NBPF8: variants seen among roughly 807,000 people sequenced by gnomAD.
NBPF8 encodes NBPF family member NBPF8.
intron 3 of NBPF8, among the ~76,000 whole-genome samples, chr1:120,428,887 T>G (rs1193261291): frequency 6.6e-6 from 1 of 151,736 alleles, no homozygotes; most frequent in African/African-American, 2.4e-5. Flanking sequence ...TAACAATATC[T>G]TGACTCCTGG....
intron 15 of NBPF8, among the ~76,000 whole-genome samples, chr1:120,454,474 G>A (rs1180435105): frequency 1.3e-5 from 2 of 152,062 alleles, no homozygotes; most frequent in African/African-American, 4.8e-5. Flanking sequence ...TAAGGAAGCT[G>A]GCAGCCTTGC....
chr1:120,465,950 G>T (rs1661733313), intron 24 of NBPF8, 28 bp from the exon 23 acceptor site: 7 of 1,611,628 alleles, frequency 4.3e-6, no homozygotes. Context: ...TTCCCTGGCT[G>T]CTTCTTTAGT....
chr1:120,435,899 C>T (rs1424066683), upstream of NBPF8, among the ~76,000 whole-genome samples: 7 of 151,026 alleles, frequency 4.6e-5, no homozygotes, highest in South Asian at 6.2e-4. Flanking sequence ...AGAGAACATA[C>T]TAAATGATTC....
At chr1:120,419,621 G>T (rs1660520641), upstream of NBPF8, among the ~76,000 whole-genome samples, 1 of 151,526 alleles carries the variant, frequency 6.6e-6, no homozygotes, top group African/African-American at 2.4e-5. Flanking sequence ...ACCATGCTGG[G>T]CCAATTTTTC....
At chr1:120,459,760 GGACT>G (rs1403001467) in intron 17 of NBPF8, among the ~76,000 whole-genome samples, 1 of 152,176 alleles carries the variant, frequency 6.6e-6, no homozygotes, top group Non-Finnish European at 1.5e-5. Context: ...GTGCCAACCT[GGACT>G]GACTGTCACG....
At chr1:120,464,619 A>C (rs1661692110) in intron 23 of NBPF8, 71 bp downstream of exon 21, 5 of 778,534 alleles carry the variant, frequency 6.4e-6, no homozygotes, top group Middle Eastern at 3.6e-4. Context: ...TCCTGCTCCA[A>C]GTGGCCATTA....
At chr1:120,466,261 A>G in exon 25 of NBPF8, 2 of 1,603,164 alleles carry the variant, frequency 1.2e-6, no homozygotes, top group Non-Finnish European at 1.7e-6. Context: ...TCCTGCAGGC[A>G]GGACCTATAG....
downstream of NBPF8, among the ~76,000 whole-genome samples, chr1:120,467,949 A>AGTGT (rs1553250932): frequency 2.8e-5 from 4 of 144,924 alleles, no homozygotes; most frequent in African/African-American, 1.0e-4. Flanking sequence ...CGTGAGTGTG[A>AGTGT]GAGTGTGTGT....
chr1:120,428,675 G>A (rs1311049625), intron 3 of NBPF8, among the ~76,000 whole-genome samples: 3 of 152,164 alleles, frequency 2.0e-5, no homozygotes, highest in South Asian at 2.1e-4. Flanking sequence ...TGACTCTGGG[G>A]CCATGCGGTC....
Position 120,466,201 on chromosome 1 carries a change from G to A in NBPF8, n.3792G>A, listed in dbSNP as rs1553250823. ...AAGTCTCTATCTGGTCTTCCAGATG[G>A]GAGTCATATTCCCACAATAAGCAGC... On this transcript the variant is annotated non_coding_transcript_exon_variant, in exon 25 of 25. Coordinates refer to ENST00000583271, the Ensembl canonical transcript of NBPF8. 8.7e-6 allele frequency: 14 copies of A among 1,609,082 alleles called. No individual in the cohort carries two copies. In the African/African-American group the frequency reaches 1.1e-4, roughly 12 times the overall value.
chr1:120,469,094 G>T (rs1167050707), downstream of NBPF8, among the ~76,000 whole-genome samples: 3 of 138,584 alleles, frequency 2.2e-5, no homozygotes, highest in Non-Finnish European at 3.1e-5. Flanking sequence ...GTTTACAAAA[G>T]AAGACTGAAT....
At chr1:120,456,540 T>A in intron 16 of NBPF8, among the ~76,000 whole-genome samples, 1 of 105,850 alleles carries the variant, frequency 9.4e-6, no homozygotes. Context: ...TCTCTTTTGA[T>A]CTTTGTTGTT....
chr1:120,416,605 CAAAA>C (rs1160932917), upstream of NBPF8, among the ~76,000 whole-genome samples: 69 of 24,222 alleles, frequency 2.8e-3, no homozygotes, highest in Middle Eastern at 0.056. Flanking sequence ...ACCCTGTCTC[CAAAA>C]AAAAAAAAAA....
Position 120,452,555 on chromosome 1 carries a change from T to A in NBPF8, n.2289+224T>A, listed in dbSNP as rs1308086567. Among the ~76,000 whole-genome samples the A allele has an allele frequency of 1.2e-4, 19 of 152,208 alleles. No individual in the cohort carries two copies. In the East Asian group the frequency reaches 2.7e-3, roughly 22 times the overall value. On this transcript the variant is annotated intron_variant and non_coding_transcript_variant, in intron 13 of 24. Coordinates refer to ENST00000583271, the Ensembl canonical transcript of NBPF8. ...CCTCCTCCCTTGATGGAAGGTGGTC[T>A]CTGGAGCAAGAGGCAGCATCTGTCT...
upstream of NBPF8, chr1:120,433,547 A>C (rs1660948679): frequency 6.4e-6 from 1 of 156,266 alleles, no homozygotes; most frequent in Non-Finnish European, 1.5e-5. Flanking sequence ...TTTGGCAGCA[A>C]TAAGGTGTGT....
chr1:120,462,491 C>T (rs1316827861), intron 20 of NBPF8, among the ~76,000 whole-genome samples: 2 of 126,132 alleles, frequency 1.6e-5, no homozygotes, highest in South Asian at 3.0e-4. Flanking sequence ...GATCACTGTT[C>T]GCTGTGTGTC....
chr1:120,428,193 G>A (rs1216756795), intron 3 of NBPF8, among the ~76,000 whole-genome samples: 1 of 152,114 alleles, frequency 6.6e-6, no homozygotes, highest in Non-Finnish European at 1.5e-5. Flanking sequence ...CAAACAGGTG[G>A]CCATGAAACA....
upstream of NBPF8, among the ~76,000 whole-genome samples, chr1:120,431,819 C>G (rs2101574392): frequency 6.6e-6 from 1 of 150,726 alleles, no homozygotes; most frequent in Non-Finnish European, 1.5e-5. Context: ...GTTTCCAGAC[C>G]AACCTGAGGG....
At chr1:120,430,928 T>C (rs1430156832) in intron 3 of NBPF8, among the ~76,000 whole-genome samples, 1 of 151,600 alleles carries the variant, frequency 6.6e-6, no homozygotes, top group Admixed American at 6.6e-5. Context: ...CGTAAATTGA[T>C]CTCCAGATCC....
Sources: gnomAD v4.1 joint callset for allele counts (sites outside exome capture counted in the v4.1 genomes callset) on GRCh38, gnomAD v4.1.1 for gene constraint, MANE v1.5 for transcripts, NCBI Gene and HGNC (gene_info 2026-07-23, HGNC 2026-07-21) for gene names.